Variants in ARHGAP18 observed in about 807,000 individuals in gnomAD.
The protein encoded by ARHGAP18 is Rho GTPase activating protein 18, also known as rho GTPase-activating protein 18.
A neutral mutation model predicts 86.2 loss-of-function variants in ARHGAP18; 67 were observed. The ratio of observed to expected loss-of-function variants is 0.78; its 90% CI spans 0.64 to 0.95. The LOEUF is 0.95. ARHGAP18 is among the 40% of genes least tolerant of loss of function. ARHGAP18 has a pLI of 0.00. For synonymous variants in ARHGAP18, 283 were observed against 280.4 expected (o/e 1.01, Z -0.09); for missense variants, 691 against 780.4 (o/e 0.89, Z 1.37).
intron 1 of ARHGAP18, among the ~76,000 whole-genome samples, chr6:129,675,400 A>T (rs1274154334): frequency 6.6e-6 from 1 of 151,814 alleles, no homozygotes; most frequent in Non-Finnish European, 1.5e-5. Flanking sequence ...AAAAAAAAAA[A>T]AGAGGTTGAG....
intron 7 of ARHGAP18, among the ~76,000 whole-genome samples, chr6:129,613,068 C>T (rs953200951): frequency 2.6e-5 from 4 of 151,832 alleles, no homozygotes; most frequent in African/African-American, 9.7e-5. Context: ...CCCGTCTCTA[C>T]TAAAAATACA....
At chr6:129,659,812 T>C (rs1773913985) in intron 1 of ARHGAP18, among the ~76,000 whole-genome samples, 1 of 152,168 alleles carries the variant, frequency 6.6e-6, no homozygotes, top group African/African-American at 2.4e-5. Context: ...GTAAGTGCTA[T>C]GGAAGCACAT....
chr6:129,601,535 GAAGAAAAGAGAA>G (rs142253193), intron 10 of ARHGAP18, among the ~76,000 whole-genome samples: 2,706 of 149,458 alleles, frequency 0.018, 88 homozygotes, highest in African/African-American at 0.062. Context: ...AGAAAAGAGA[GAAGAAAAGAGAA>G]AAGAAAAGAG....
At chr6:129,668,362 T>TCA (rs35153109) in intron 1 of ARHGAP18, among the ~76,000 whole-genome samples, 8,882 of 137,650 alleles carry the variant, frequency 0.065, 325 homozygotes, top group African/African-American at 0.1. Flanking sequence ...ACCCAAATAA[T>TCA]CACACACACA....
chr6:129,608,683 A>C (rs1044463573), intron 8 of ARHGAP18, among the ~76,000 whole-genome samples: 2 of 152,156 alleles, frequency 1.3e-5, no homozygotes, highest in Non-Finnish European at 2.9e-5. Flanking sequence ...AACTCTACAA[A>C]ATTTGTCAGG....
intron 4 of ARHGAP18, among the ~76,000 whole-genome samples, chr6:129,632,908 CACT>C (rs1167375749): frequency 1.3e-5 from 2 of 152,072 alleles, no homozygotes; most frequent in Non-Finnish European, 2.9e-5. Flanking sequence ...ATACCCCTCC[CACT>C]ACTACTTCCA....
intron 5 of ARHGAP18, among the ~76,000 whole-genome samples, chr6:129,625,677 A>ATATATTATATATATTTATAT (rs1789414424): frequency 9.2e-5 from 1 of 10,872 alleles, no homozygotes; most frequent in Non-Finnish European, 1.6e-4. Context: ...ATATTATATT[A>ATATATTATATATATTTATAT]TATATATTTA....
intron 5 of ARHGAP18, among the ~76,000 whole-genome samples, chr6:129,619,369 AAAAGGGGGAGGG>A (rs1313390990): frequency 0.032 from 4 of 126 alleles, 1 homozygote; most frequent in African/African-American, 0.25. Context: ...AGGGGGAGGG[AAAAGGGGGAGGG>A]AAAGGGGGAG....
intron 1 of ARHGAP18, among the ~76,000 whole-genome samples, chr6:129,683,903 AC>A (rs1774375714): frequency 1.3e-5 from 2 of 152,308 alleles, no homozygotes; most frequent in South Asian, 4.1e-4. Context: ...AGGTGAGAAA[AC>A]ACTTGGGAGA....
intron 12 of ARHGAP18, among the ~76,000 whole-genome samples, chr6:129,590,111 C>T (rs1172040543): frequency 6.6e-6 from 1 of 152,176 alleles, no homozygotes; most frequent in Non-Finnish European, 1.5e-5. Context: ...CCAAGCCTCT[C>T]CCAGTCCATT....
intron 1 of ARHGAP18, among the ~76,000 whole-genome samples, chr6:129,664,211 A>G (rs1400609980): frequency 6.6e-6 from 1 of 152,206 alleles, no homozygotes; most frequent in African/African-American, 2.4e-5. Flanking sequence ...TTCTGCACCA[A>G]ATAGGGCTTG....
chr6:129,636,147 C>T (rs1215713013), intron 3 of ARHGAP18, among the ~76,000 whole-genome samples: 2 of 152,186 alleles, frequency 1.3e-5, no homozygotes, highest in East Asian at 3.8e-4. Context: ...CAGTCCAGTC[C>T]TTTAACACAA....
At chr6:129,663,080 G>A (rs1056859946) in intron 1 of ARHGAP18, among the ~76,000 whole-genome samples, 2 of 152,056 alleles carry the variant, frequency 1.3e-5, no homozygotes, top group African/African-American at 2.4e-5. Flanking sequence ...AATCAACATC[G>A]CCAGGAAGGT....
chr6:129,590,446 A>G (rs1384508733), intron 12 of ARHGAP18, among the ~76,000 whole-genome samples: 1 of 152,154 alleles, frequency 6.6e-6, no homozygotes, highest in East Asian at 1.9e-4. Flanking sequence ...TTTCACGTAT[A>G]TGTGTAATGT....
chr6:129,629,963 C>G (rs898081761), intron 4 of ARHGAP18, among the ~76,000 whole-genome samples: 3 of 152,164 alleles, frequency 2.0e-5, no homozygotes, highest in African/African-American at 7.2e-5. Flanking sequence ...CTGAGTGGAT[C>G]AGTTTCCTGG....
At chr6:129,666,393 C>T (rs946440087) in intron 1 of ARHGAP18, among the ~76,000 whole-genome samples, 1 of 152,252 alleles carries the variant, frequency 6.6e-6, no homozygotes, top group African/African-American at 2.4e-5. Flanking sequence ...TGGGGATTGG[C>T]TTCAGGGCTC....
At chr6:129,683,728 C>T (rs1477022258) in intron 1 of ARHGAP18, among the ~76,000 whole-genome samples, 2 of 152,136 alleles carry the variant, frequency 1.3e-5, no homozygotes, top group African/African-American at 4.8e-5. Context: ...CCCAATTTAC[C>T]TTTCACAACA....
chr6:129,678,461 GAT>G (rs1394005812), intron 1 of ARHGAP18, among the ~76,000 whole-genome samples: 128 of 152,302 alleles, frequency 8.4e-4, no homozygotes, highest in African/African-American at 3.0e-3. Flanking sequence ...TACTTATGGA[GAT>G]ATAGCAACCA....
At chr6:129,648,086 A>G (rs1252859234) in intron 1 of ARHGAP18, among the ~76,000 whole-genome samples, 1 of 152,226 alleles carries the variant, frequency 6.6e-6, no homozygotes, top group Non-Finnish European at 1.5e-5. Context: ...TACATTTATC[A>G]AGAAAAAAAT....
Sources: gnomAD v4.1 joint callset for allele counts (sites outside exome capture counted in the v4.1 genomes callset) on GRCh38, gnomAD v4.1.1 for gene constraint, MANE v1.5 for transcripts, NCBI Gene and HGNC (gene_info 2026-07-23, HGNC 2026-07-21) for gene names.